The following ULK4 variants were observed in gnomAD, a reference collection of about 807,000 sequenced individuals.
The protein encoded by ULK4 is unc-51 like kinase 4.
In ULK4, 133 loss-of-function variants were observed where a neutral mutation model predicts 160.6. That is an observed-to-expected ratio of 0.83 (90% confidence interval 0.72 to 0.96). The LOEUF (loss-of-function observed/expected upper bound fraction) is 0.96. Among genes scored for constraint, ULK4 ranks in the 40% least tolerant of loss-of-function variants. The pLI, the probability that ULK4 is intolerant of heterozygous loss-of-function variation, is 0.00. For synonymous variants in ULK4, 534 were observed against 539.8 expected (o/e 0.99, Z 0.15); for missense variants, 1,580 against 1,499.5 (o/e 1.05, Z -0.89).
intron 32 of ULK4, among the ~76,000 whole-genome samples, chr3:41,488,142 G>GAAC (rs1461214642): frequency 6.6e-6 from 1 of 152,196 alleles, no homozygotes; most frequent in Admixed American, 6.5e-5. Context: ...CCGAGTTAGA[G>GAAC]AACAATACAT....
chr3:41,844,469 C>T (rs776316177), intron 17 of ULK4, among the ~76,000 whole-genome samples: 4 of 152,200 alleles, frequency 2.6e-5, no homozygotes, highest in South Asian at 2.1e-4. Context: ...GTGCAGGGCG[C>T]GCCAAGCCCA....
intron 4 of ULK4, 96 bp downstream of exon 4, chr3:41,935,705 T>G: frequency 7.1e-7 from 1 of 1,406,008 alleles, no homozygotes; most frequent in Non-Finnish European, 9.5e-7. Context: ...CAAGATATTC[T>G]ATACCAAAAT....
chr3:41,499,521 G>A (rs879347210), intron 32 of ULK4, among the ~76,000 whole-genome samples: 3 of 152,122 alleles, frequency 2.0e-5, no homozygotes, highest in Non-Finnish European at 4.4e-5. Context: ...CAAAATACGT[G>A]GTGGGCTCAC....
chr3:41,939,860 G>T (rs1699895345), intron 2 of ULK4, among the ~76,000 whole-genome samples: 1 of 152,124 alleles, frequency 6.6e-6, no homozygotes, highest in Admixed American at 6.5e-5. Context: ...ATTGTGAACT[G>T]TGCATAGGAG....
At chr3:41,639,554 C>T (rs1410692309) in intron 30 of ULK4, among the ~76,000 whole-genome samples, 1 of 152,044 alleles carries the variant, frequency 6.6e-6, no homozygotes, top group South Asian at 2.1e-4. Context: ...ATGGTGAAAC[C>T]CCATCTCTAC....
chr3:41,249,378 AGGTGGTAGTCCCT>A (rs1489013130), intron 36 of ULK4, 98 bp downstream of exon 36: 1 of 969,174 alleles, frequency 1.0e-6, no homozygotes, highest in African/African-American at 1.6e-5. Flanking sequence ...ATGGGCTGGA[AGGTGGTAGTCCCT>A]GGTGTGGAGG....
In ULK4 at chr3:41,715,180, A is replaced by G. The variant is rs1006959096; in HGVS notation, c.2634+57T>C. 15 of 1,530,236 alleles carry G rather than the reference A, an allele frequency of 9.8e-6. No homozygotes were observed. The South Asian group carries it at 1.5e-4, about 16-fold the overall frequency. 94.8% of individuals were successfully genotyped at this position (1,530,236 alleles called of 1,614,324 possible). A position where few individuals can be genotyped will look rare whatever the true frequency, so the allele number is the denominator to read the frequency against. ...ACCTCATTCTGACATCAAATTCTAC[A>G]AACAGTAGAGGAAGTCACAATTTTA... On this transcript the variant is annotated intron_variant, in intron 25 of 36. Transcript: ENST00000301831.
At chr3:41,563,682 T>A (rs765985834) in intron 32 of ULK4, among the ~76,000 whole-genome samples, 25 of 152,330 alleles carry the variant, frequency 1.6e-4, no homozygotes, top group South Asian at 4.1e-4. Flanking sequence ...CGTCACGAAG[T>A]TCTCGTGCCA....
At chr3:41,589,354 A>T (rs1159053062) in intron 31 of ULK4, among the ~76,000 whole-genome samples, 1 of 150,076 alleles carries the variant, frequency 6.7e-6, no homozygotes, top group East Asian at 1.9e-4. Context: ...TAACATGGGA[A>T]ATCTGTACAA....
At chr3:41,598,705 T>C (rs1382692527) in intron 31 of ULK4, among the ~76,000 whole-genome samples, 1 of 151,512 alleles carries the variant, frequency 6.6e-6, no homozygotes, top group Non-Finnish European at 1.5e-5. Flanking sequence ...TCACATTTAA[T>C]CTCAGTCGCT....
At chr3:41,451,550 C>A (rs1177363474) in intron 34 of ULK4, among the ~76,000 whole-genome samples, 1 of 151,984 alleles carries the variant, frequency 6.6e-6, no homozygotes, top group African/African-American at 2.4e-5. Flanking sequence ...ACAAAGAGTG[C>A]CCCATCCAAG....
At chr3:41,934,510 A>C (rs1699697885) in intron 4 of ULK4, among the ~76,000 whole-genome samples, 1 of 152,228 alleles carries the variant, frequency 6.6e-6, no homozygotes, top group Non-Finnish European at 1.5e-5. Flanking sequence ...CATCACTGTG[A>C]GCACACTACT....
chr3:41,949,254 T>G (rs1700209256), intron 2 of ULK4, among the ~76,000 whole-genome samples: 1 of 151,672 alleles, frequency 6.6e-6, no homozygotes, highest in African/African-American at 2.4e-5. Flanking sequence ...GGTTGCAGTG[T>G]GCCAAGATCA....
At chr3:41,500,470 G>A (rs2085159930) in intron 32 of ULK4, among the ~76,000 whole-genome samples, 1 of 152,088 alleles carries the variant, frequency 6.6e-6, no homozygotes, top group South Asian at 2.1e-4. Context: ...AAGGGAGGAG[G>A]GGTATTGAGG....
intron 34 of ULK4, among the ~76,000 whole-genome samples, chr3:41,452,662 G>C (rs1016583013): frequency 7.2e-5 from 11 of 152,110 alleles, no homozygotes; most frequent in African/African-American, 2.7e-4. Context: ...GCTTTGTGAA[G>C]TCTACAAGCA....
chr3:41,279,269 A>AC (rs1656675067), intron 35 of ULK4, among the ~76,000 whole-genome samples: 2 of 121,838 alleles, frequency 1.6e-5, no homozygotes, highest in Admixed American at 1.7e-4. Context: ...AAAAAAAAAA[A>AC]AAAAAACAAA....
chr3:41,798,656 T>A (rs2040368343), intron 20 of ULK4, among the ~76,000 whole-genome samples: 2 of 151,860 alleles, frequency 1.3e-5, no homozygotes, highest in Admixed American at 6.6e-5. Context: ...AAGGGAAAAG[T>A]GGGCCGGAAA....
At chr3:41,331,215 G>A (rs1194693008) in intron 35 of ULK4, among the ~76,000 whole-genome samples, 2 of 152,280 alleles carry the variant, frequency 1.3e-5, no homozygotes, top group East Asian at 3.9e-4. Context: ...CAGATGTCCA[G>A]CTGGGGGCAG....
chr3:41,528,240 A>G (rs2086185002), intron 32 of ULK4, among the ~76,000 whole-genome samples: 1 of 152,240 alleles, frequency 6.6e-6, no homozygotes, highest in South Asian at 2.1e-4. Context: ...ACAAAGTGAC[A>G]GACAATTCAA....
Sources: gnomAD v4.1 joint callset for allele counts (sites outside exome capture counted in the v4.1 genomes callset) on GRCh38, gnomAD v4.1.1 for gene constraint, MANE v1.5 for transcripts, NCBI Gene and HGNC (gene_info 2026-07-23, HGNC 2026-07-21) for gene names.